Variants in HEATR4 observed in about 807,000 individuals in gnomAD.
HEATR4 encodes the protein HEAT repeat-containing protein 4.
In HEATR4, 95 loss-of-function variants were observed where a neutral mutation model predicts 108.8. The observed-to-expected ratio is 0.87, with a 90% CI of 0.74 to 1.04. The LOEUF is 1.04. HEATR4 is among the 50% of genes least tolerant of loss of function. The pLI is 0.00. For missense variants in HEATR4, 1,152 were observed against 1,253.8 expected (o/e 0.92, Z 1.23); for synonymous variants, 443 against 459.4 (o/e 0.96, Z 0.46).
chr14:73,623,564 G>C, the HEATR4 span, among the ~76,000 whole-genome samples: 1 of 152,174 alleles, frequency 6.6e-6, no homozygotes, highest in African/African-American at 2.4e-5. Context: ...ATGAGCACCT[G>C]TAGTCCCAGC....
intron 17 of HEATR4, among the ~76,000 whole-genome samples, chr14:73,481,612 C>T (rs922803365): frequency 4.6e-5 from 7 of 151,580 alleles, no homozygotes; most frequent in Non-Finnish European, 7.4e-5. Flanking sequence ...GAGGCCGACG[C>T]GGGCGGATCA....
chr14:73,479,083 C>T (rs1885135192), intron 17 of HEATR4, among the ~76,000 whole-genome samples: 1 of 151,852 alleles, frequency 6.6e-6, no homozygotes, highest in Non-Finnish European at 1.5e-5. Flanking sequence ...GGATTACAGG[C>T]GCCCGCCACC....
At chr14:73,503,099 T>C (rs1448451112) in intron 10 of HEATR4, 86 bp from the exon 11 acceptor site, 3 of 1,036,104 alleles carry the variant, frequency 2.9e-6, no homozygotes, top group Non-Finnish European at 4.5e-6. Flanking sequence ...CTTCTTTTTT[T>C]ACTCATCACT....
intron 7 of HEATR4, among the ~76,000 whole-genome samples, chr14:73,510,149 C>T (rs563013568): frequency 2.0e-5 from 3 of 151,944 alleles, no homozygotes; most frequent in African/African-American, 7.2e-5. Flanking sequence ...ACGTGTGCCA[C>T]CGCCCCCAGC....
upstream of HEATR4, among the ~76,000 whole-genome samples, chr14:73,560,119 GA>G (rs1265093781): frequency 6.6e-6 from 1 of 152,112 alleles, no homozygotes; most frequent in Admixed American, 6.6e-5. Flanking sequence ...AAGTCTTACA[GA>G]TACAGAAATT....
chr14:73,579,283 A>C, the HEATR4 span, among the ~76,000 whole-genome samples: 5 of 148,042 alleles, frequency 3.4e-5, 1 homozygote, highest in East Asian at 2.0e-4. Flanking sequence ...AAAAAAAAAA[A>C]AAAAAAAAAA....
At chr14:73,566,868 G>T in the HEATR4 span, among the ~76,000 whole-genome samples, 2 of 152,158 alleles carry the variant, frequency 1.3e-5, no homozygotes, top group Non-Finnish European at 1.5e-5. Flanking sequence ...CTGCCAGCAC[G>T]CTGTCACCTC....
chr14:73,502,135 C>A (rs1886511507), intron 11 of HEATR4, among the ~76,000 whole-genome samples: 1 of 150,970 alleles, frequency 6.6e-6, no homozygotes, highest in Admixed American at 6.6e-5. Flanking sequence ...CTCAATTGAT[C>A]CTCCTGCTTC....
the HEATR4 span, chr14:73,612,442 T>A: frequency 1.7e-6 from 1 of 579,318 alleles, no homozygotes; most frequent in Non-Finnish European, 2.6e-6. Flanking sequence ...CTGGAGCCTG[T>A]CCCCAAGTCC....
chr14:73,496,709 T>C lies in HEATR4; in HGVS notation c.2547-30A>G, dbSNP rs1278112834. Reference sequence around the variant, plus strand: ...AAGATAAGAAGGGCTTCTTAGATTATTCTACCCTGCCCTTTAAAAAAGTAT... The same window carrying C: ...AAGATAAGAAGGGCTTCTTAGATTACTCTACCCTGCCCTTTAAAAAAGTAT... On this transcript the variant is annotated intron_variant, in intron 14 of 17. Transcript: ENST00000553558. 5 of 1,208,596 alleles carry C rather than the reference T, an allele frequency of 4.1e-6. 1 individual carries two copies. In the Admixed American group the frequency reaches 8.5e-5, roughly 20 times the overall value. 74.9% of individuals were successfully genotyped at this position (1,208,596 alleles called of 1,614,324 possible).
In HEATR4 at chr14:73,522,439, G is replaced by C. The variant is rs770013608; in HGVS notation, c.714C>G (p.Arg238=). The C allele has an allele frequency of 3.1e-6, 5 of 1,614,122 alleles. No individual in the cohort carries two copies. Among genetic ancestry groups the C allele is most frequent in the African/African-American group, 2.7e-5 (2 of 74,928 alleles). Residue 238 remains arginine (R), a synonymous_variant, in exon 3 of 18, where the codon CGC becomes CGG. Transcript: ENST00000553558. ...GAATGTGACTCCAGTCGTACTGCTG[G>C]CGCAGGAAGCTCTGCCACTTGTTGG... ...ASPNKWQSFL[R]QQYDWSHIRD...
At chr14:73,514,938 T>C (rs1887494726) in intron 5 of HEATR4, among the ~76,000 whole-genome samples, 1 of 151,982 alleles carries the variant, frequency 6.6e-6, no homozygotes, top group Non-Finnish European at 1.5e-5. Flanking sequence ...CATGGTGGCA[T>C]GTGCTTGTAG....
At chr14:73,569,676 T>C in the HEATR4 span, 1 of 1,608,882 alleles carries the variant, frequency 6.2e-7, no homozygotes. Context: ...GCTCTGGGCC[T>C]TGGAGCCCGA....
At chr14:73,493,177 C>T (rs1202516133) in intron 16 of HEATR4, 53 bp from the exon 17 acceptor site, 6 of 1,475,394 alleles carry the variant, frequency 4.1e-6, no homozygotes, top group Non-Finnish European at 5.7e-6. Context: ...ACCCTTGATC[C>T]GTGATCATTT....
the HEATR4 span, among the ~76,000 whole-genome samples, chr14:73,601,004 G>A: frequency 6.6e-6 from 1 of 151,668 alleles, no homozygotes; most frequent in Admixed American, 6.6e-5. Context: ...AGCCAGGTGT[G>A]GTGGTGCGTG....
chr14:73,529,400 G>T (rs1888566617), intron 2 of HEATR4, among the ~76,000 whole-genome samples: 1 of 149,424 alleles, frequency 6.7e-6, no homozygotes, highest in Non-Finnish European at 1.5e-5. Context: ...TGGCATAACT[G>T]CAGACCAGGC....
Position 73,492,992 on chromosome 14 carries a change from C to T in HEATR4, c.2844+74G>A, listed in dbSNP as rs373747220. The T allele has an allele frequency of 3.9e-6, 6 of 1,543,050 alleles. No homozygotes were observed. In the African/African-American group the frequency reaches 7.8e-5, roughly 20 times the overall value. ...AGGCAGTAGTGATTCTCCGCTGCCA[C>T]TGCTACCTTTTTTTTTTTTTTTTCC... On this transcript the variant is annotated intron_variant, in intron 17 of 17. Coordinates refer to ENST00000553558, the MANE Select transcript of HEATR4 (RefSeq NM_001220484.1). This position sits in a 1 kb window ranked among gnomAD's most constrained non-coding sequence, Gnocchi z 4.9.
the HEATR4 span, among the ~76,000 whole-genome samples, chr14:73,603,915 G>C: frequency 6.6e-6 from 1 of 151,852 alleles, no homozygotes; most frequent in African/African-American, 2.4e-5. Flanking sequence ...TGTATTTTTA[G>C]TAGAGACAGG....
intron 7 of HEATR4, among the ~76,000 whole-genome samples, chr14:73,509,855 TA>T (rs1887115746): frequency 1.4e-5 from 1 of 69,514 alleles, no homozygotes; most frequent in Non-Finnish European, 3.0e-5. Context: ...TATATATATA[TA>T]TATATATATA....
Sources: allele counts gnomAD v4.1 joint callset (sites outside exome capture counted in the v4.1 genomes callset), GRCh38; gene constraint gnomAD v4.1.1; non-coding constraint Gnocchi (gnomAD v3.1); transcripts MANE v1.5; gene names NCBI Gene and HGNC (gene_info 2026-07-23, HGNC 2026-07-21).